Variants in KLHL1 observed in about 807,000 individuals in gnomAD.
KLHL1 encodes kelch-like protein 1.
In KLHL1, 47 loss-of-function variants were observed where a neutral mutation model predicts 77.7. The observed-to-expected ratio is 0.60, with a 90% CI of 0.48 to 0.77. KLHL1 has a LOEUF of 0.77. Ranked by LOEUF, KLHL1 falls within the 30% of genes least tolerant of loss-of-function variation. The probability of loss-of-function intolerance (pLI) is 0.00; values close to 1 mark genes in which losing one functional copy is unlikely to be tolerated. For missense variants in KLHL1, 925 were observed against 910.8 expected (o/e 1.02, Z -0.20); for synonymous variants, 360 against 325.2 (o/e 1.11, Z -1.15).
chr13:70,028,850 A>G (rs1442612871), intron 1 of KLHL1, among the ~76,000 whole-genome samples: 2 of 151,934 alleles, frequency 1.3e-5, no homozygotes, highest in Admixed American at 6.6e-5. Context: ...GGTGGCACAT[A>G]CCTGTAGGCT....
intron 4 of KLHL1, among the ~76,000 whole-genome samples, chr13:69,899,277 T>C (rs565014105): frequency 1.3e-5 from 2 of 152,196 alleles, no homozygotes; most frequent in Non-Finnish European, 2.9e-5. Flanking sequence ...CAAGCTTCCC[T>C]GAAGTGTGCA....
intron 1 of KLHL1, among the ~76,000 whole-genome samples, chr13:70,089,638 C>G (rs906607395): frequency 6.6e-6 from 1 of 151,922 alleles, no homozygotes; most frequent in Non-Finnish European, 1.5e-5. Flanking sequence ...ATAATTCTAT[C>G]AATTTAAACA....
chr13:69,856,537 C>T (rs1344050891), intron 5 of KLHL1, among the ~76,000 whole-genome samples: 2 of 152,066 alleles, frequency 1.3e-5, no homozygotes, highest in Admixed American at 1.3e-4. Flanking sequence ...ATTCTCAACA[C>T]TACCCTCGGT....
intron 6 of KLHL1, among the ~76,000 whole-genome samples, chr13:69,818,093 G>C (rs73506327): frequency 0.13 from 19,918 of 151,586 alleles, 1,733 homozygotes; most frequent in African/African-American, 0.23. Flanking sequence ...AGAAAACTTC[G>C]CTTTTCATCT....
intron 4 of KLHL1, among the ~76,000 whole-genome samples, chr13:69,939,751 C>T (rs1883309059): frequency 1.3e-5 from 2 of 150,954 alleles, no homozygotes; most frequent in Non-Finnish European, 2.9e-5. Flanking sequence ...TCATACCTCA[C>T]CCTACACATC....
intron 6 of KLHL1, among the ~76,000 whole-genome samples, chr13:69,824,765 T>A (rs898513890): frequency 6.6e-6 from 1 of 152,090 alleles, no homozygotes; most frequent in East Asian, 1.9e-4. Context: ...TGAAATTGAC[T>A]GGGAAGGAAT....
chr13:69,707,869 T>C, intron 9 of KLHL1, 73 bp from the exon 10 acceptor site: 1 of 1,301,410 alleles, frequency 7.7e-7, no homozygotes, highest in Admixed American at 2.4e-5. Context: ...TTTTACTTTT[T>C]ACAAAGCCTG....
chr13:69,789,849 T>A (rs1360916991), intron 7 of KLHL1, among the ~76,000 whole-genome samples: 1 of 152,188 alleles, frequency 6.6e-6, no homozygotes, highest in Non-Finnish European at 1.5e-5. Context: ...TTTGTATTTG[T>A]TTTGCATTGT....
At chr13:70,059,224 C>A (rs1457077364) in intron 1 of KLHL1, among the ~76,000 whole-genome samples, 2 of 150,650 alleles carry the variant, frequency 1.3e-5, no homozygotes, top group Non-Finnish European at 2.9e-5. Flanking sequence ...AGTGGCACAA[C>A]CTTGGCTTAC....
intron 1 of KLHL1, among the ~76,000 whole-genome samples, chr13:70,075,497 CAATT>C (rs1417643447): frequency 1.9e-4 from 27 of 144,012 alleles, no homozygotes; most frequent in East Asian, 1.0e-3. Flanking sequence ...AAGCAAATAA[CAATT>C]AATATATATA....
chr13:69,998,417 C>T (rs1373214254), intron 1 of KLHL1, among the ~76,000 whole-genome samples: 1 of 151,932 alleles, frequency 6.6e-6, no homozygotes, highest in Non-Finnish European at 1.5e-5. Flanking sequence ...AGAGTCATCT[C>T]CTAAGAGAGA....
At chr13:70,000,564 C>A (rs974407053) in intron 1 of KLHL1, among the ~76,000 whole-genome samples, 1 of 151,814 alleles carries the variant, frequency 6.6e-6, no homozygotes, top group Non-Finnish European at 1.5e-5. Flanking sequence ...TACAAACTAC[C>A]TTACATTACA....
intron 1 of KLHL1, among the ~76,000 whole-genome samples, chr13:69,980,807 G>C (rs1391836849): frequency 6.6e-6 from 1 of 152,060 alleles, no homozygotes; most frequent in African/African-American, 2.4e-5. Flanking sequence ...CTAACATGTA[G>C]TAAATATGGT....
chr13:69,920,441 T>A (rs1425731374), intron 4 of KLHL1, among the ~76,000 whole-genome samples: 2 of 152,074 alleles, frequency 1.3e-5, no homozygotes, highest in African/African-American at 4.8e-5. Flanking sequence ...ATTCTGAAAT[T>A]AAATGTGACC....
intron 4 of KLHL1, among the ~76,000 whole-genome samples, chr13:69,914,617 A>G (rs1260946370): frequency 6.6e-6 from 1 of 152,218 alleles, no homozygotes; most frequent in East Asian, 1.9e-4. Context: ...ATGAAACATG[A>G]TATCTGTAGT....
chr13:69,855,466 C>T (rs1259997959), intron 5 of KLHL1, among the ~76,000 whole-genome samples: 1 of 111,258 alleles, frequency 9.0e-6, no homozygotes, highest in East Asian at 1.9e-4. Context: ...GTTGTGTCCC[C>T]ACCCAAAATC....
chr13:69,765,554 G>C (rs998316025), intron 7 of KLHL1, among the ~76,000 whole-genome samples: 2 of 152,114 alleles, frequency 1.3e-5, no homozygotes, highest in African/African-American at 4.8e-5. Context: ...CAATGTCCGT[G>C]TCACAATGTC....
intron 4 of KLHL1, among the ~76,000 whole-genome samples, chr13:69,914,698 A>G (rs545167815): frequency 6.6e-6 from 1 of 152,306 alleles, no homozygotes; most frequent in South Asian, 2.1e-4. Context: ...TGTTTACTGT[A>G]CAGCACTGTA....
chr13:69,735,183 G>A (rs1873711625), intron 8 of KLHL1, among the ~76,000 whole-genome samples: 1 of 151,672 alleles, frequency 6.6e-6, no homozygotes, highest in Non-Finnish European at 1.5e-5. Context: ...GCTAATTTTA[G>A]AAAATAAAAT....
Sources: allele counts gnomAD v4.1 joint callset (sites outside exome capture counted in the v4.1 genomes callset), GRCh38; gene constraint gnomAD v4.1.1; transcripts MANE v1.5; gene names NCBI Gene and HGNC (gene_info 2026-07-23, HGNC 2026-07-21).